The following SMCHD1 variants were observed in gnomAD, a reference collection of about 807,000 sequenced individuals.
SMCHD1 encodes structural maintenance of chromosomes flexible hinge domain-containing protein 1.
SMCHD1 carries 78 observed loss-of-function variants against 254.7 expected under a neutral mutation model. The observed-to-expected ratio is 0.31, with a 90% CI of 0.26 to 0.37. SMCHD1 has a LOEUF of 0.37. Among genes scored for constraint, SMCHD1 ranks in the 10% least tolerant of loss-of-function variants. The pLI is 1.00. For synonymous variants in SMCHD1, 766 were observed against 794.9 expected, an observed-to-expected ratio of 0.96 and a Z score of 0.61; for missense variants, 1,840 against 2,408.1, an observed-to-expected ratio of 0.76 and a Z score of 4.94.
intron 5 of SMCHD1, among the ~76,000 whole-genome samples, chr18:2,678,470 C>T (rs1460811583): frequency 6.6e-6 from 1 of 152,028 alleles, no homozygotes; most frequent in Non-Finnish European, 1.5e-5. Flanking sequence ...GCACATGCCA[C>T]TACTCCCGGC....
chr18:2,767,651 G>A (rs973924348), intron 37 of SMCHD1, among the ~76,000 whole-genome samples: 5 of 140,446 alleles, frequency 3.6e-5, no homozygotes, highest in East Asian at 2.1e-4. Context: ...GTGCTTTGGC[G>A]CACTCTTGGC....
chr18:2,662,667 C>CAAAAAAAAAAAAAAAAAAAAAAAAAAAA (rs745838636), intron 1 of SMCHD1, among the ~76,000 whole-genome samples: 5 of 35,676 alleles, frequency 1.4e-4, no homozygotes, highest in Admixed American at 3.3e-4. Context: ...AACAAAAAAC[C>CAAAAAAAAAAAAAAAAAAAAAAAAAAAA]AAAAAAAAAA....
intron 1 of SMCHD1, among the ~76,000 whole-genome samples, chr18:2,665,142 A>C (rs2073399961): frequency 6.6e-6 from 1 of 152,186 alleles, no homozygotes; most frequent in South Asian, 2.1e-4. Context: ...TGTATGTTTT[A>C]ATTCTAATGT....
Position 2,694,559 on chromosome 18 carries a change from T to C in SMCHD1, c.906T>C (p.Asp302=), listed in dbSNP as rs1396116917. 6.2e-7 allele frequency: 1 copy of C among 1,601,356 alleles called. No individual in the cohort carries two copies. The highest frequency in any genetic ancestry group is 2.2e-5 in the East Asian group (1 of 44,712). The change falls in exon 8 of 48, where the codon GAT becomes GAC. Residue 302 remains aspartate (D), a synonymous_variant. Transcript: ENST00000320876. ...PSDSVHITND[D]ERFLHHLIIE... Reference sequence around the variant, plus strand: ...ATTCTGTTCACATTACAAATGATGATGAAAGATTTCTACATCATCTTATCA... The same window carrying C: ...ATTCTGTTCACATTACAAATGATGACGAAAGATTTCTACATCATCTTATCA...
At chr18:2,783,624 G>A (rs111842207) in intron 44 of SMCHD1, among the ~76,000 whole-genome samples, 131 of 151,712 alleles carry the variant, frequency 8.6e-4, no homozygotes, top group African/African-American at 3.1e-3. Context: ...CCAGGCTGGA[G>A]TGCAGTGGTG....
chr18:2,664,266 CCTG>C (rs1464119289), intron 1 of SMCHD1, among the ~76,000 whole-genome samples: 1 of 151,936 alleles, frequency 6.6e-6, no homozygotes, highest in African/African-American at 2.4e-5. Context: ...GTCTAATGTC[CCTG>C]TCCATATTGA....
At chr18:2,696,854 T>C (rs2074295995) in intron 8 of SMCHD1, among the ~76,000 whole-genome samples, 178 bp from the exon 9 acceptor site, 1 of 152,196 alleles carries the variant, frequency 6.6e-6, no homozygotes, top group Non-Finnish European at 1.5e-5. Context: ...ATCTGTAAAA[T>C]GAGATGCAGT....
chr18:2,674,095 C>G lies in SMCHD1; in HGVS notation c.588C>G (p.Asn196Lys). 6.2e-7 allele frequency: 1 copy of G among 1,605,710 alleles called. No homozygotes were observed. Among genetic ancestry groups the G allele is most frequent in the Non-Finnish European group, 8.5e-7 (1 of 1,175,790 alleles). Residue 196 changes from asparagine to lysine, a missense_variant, in exon 5 of 48, where the codon AAC becomes AAG. By Grantham distance (94) the Asn-to-Lys change is moderately conservative (BLOSUM62 0). This residue lies in a region of SMCHD1 where 498 missense variants were observed against 743.5 expected (regional missense o/e 0.67). Transcript: ENST00000320876. Reference sequence around the variant, plus strand: ...GAATGACCTCTAAACAGCTTAACAACTGGGCCGTGTATAGGTTGTCAAAAT... The same window carrying G: ...GAATGACCTCTAAACAGCTTAACAAGTGGGCCGTGTATAGGTTGTCAAAAT... ...GRGMTSKQLN[N>K]WAVYRLSKFT...
intron 1 of SMCHD1, among the ~76,000 whole-genome samples, chr18:2,660,072 C>T (rs889137380): frequency 3.3e-5 from 5 of 152,048 alleles, no homozygotes; most frequent in Admixed American, 2.6e-4. Context: ...ACCTGTAATC[C>T]CAACACTTCG....
intron 5 of SMCHD1, among the ~76,000 whole-genome samples, chr18:2,678,225 T>C (rs62084183): frequency 0.015 from 305 of 20,028 alleles, no homozygotes; most frequent in South Asian, 0.14. Flanking sequence ...TTCTTTCTTT[T>C]TCTTTCTTTC....
At chr18:2,765,767 C>G (rs1218111510) in intron 37 of SMCHD1, among the ~76,000 whole-genome samples, 1 of 152,138 alleles carries the variant, frequency 6.6e-6, no homozygotes, top group Non-Finnish European at 1.5e-5. Context: ...GTATTTACCA[C>G]TTATATTCAC....
chr18:2,721,944 A>C lies in SMCHD1; in HGVS notation c.2459-575A>C, dbSNP rs1021975532. Among the ~76,000 whole-genome samples the C allele has an allele frequency of 2.0e-5, 3 of 152,266 alleles. No individual in the cohort carries two copies. In the East Asian group the frequency reaches 5.8e-4, roughly 29 times the overall value. Reference sequence around the variant, plus strand: ...TCAGCAGGTTTGAGATAGGCCCTAGAATTTGCATTTCTAATAAGTTCTCAG... The same window carrying C: ...TCAGCAGGTTTGAGATAGGCCCTAGCATTTGCATTTCTAATAAGTTCTCAG... On this transcript the variant is annotated intron_variant, in intron 19 of 47. Coordinates refer to ENST00000320876, the MANE Select transcript of SMCHD1 (RefSeq NM_015295.3).
chr18:2,657,985 G>A (rs2073124165), intron 1 of SMCHD1, among the ~76,000 whole-genome samples: 1 of 151,824 alleles, frequency 6.6e-6, no homozygotes, highest in Non-Finnish European at 1.5e-5. Context: ...ACATACGGGG[G>A]TTTGGCTGTG....
At chr18:2,699,197 G>C (rs1448694939) in intron 10 of SMCHD1, among the ~76,000 whole-genome samples, 1 of 152,118 alleles carries the variant, frequency 6.6e-6, no homozygotes, top group Admixed American at 6.5e-5. Context: ...CCTGGGAAAT[G>C]GGTAGTTCAC....
chr18:2,708,617 CT>C (rs71159004), intron 17 of SMCHD1, among the ~76,000 whole-genome samples: 108,140 of 142,590 alleles, frequency 0.76, 40,975 homozygotes, highest in East Asian at 0.93. Flanking sequence ...GACCTTCCTG[CT>C]TTTTTTTTTT....
intron 41 of SMCHD1, 93 bp from the exon 42 acceptor site, chr18:2,775,638 GAGA>G: frequency 1.1e-6 from 1 of 921,022 alleles, no homozygotes; most frequent in Non-Finnish European, 1.6e-6. Context: ...ATGTGTTTCA[GAGA>G]AGTTTTTGTT....
At chr18:2,686,337 G>T (rs967875420) in intron 5 of SMCHD1, among the ~76,000 whole-genome samples, 6 of 152,194 alleles carry the variant, frequency 3.9e-5, no homozygotes, top group Admixed American at 3.3e-4. Flanking sequence ...TGCTCAGGTG[G>T]TAAGTATAAT....
chr18:2,756,399 C>A (rs2075678409), intron 34 of SMCHD1, among the ~76,000 whole-genome samples: 1 of 152,120 alleles, frequency 6.6e-6, no homozygotes, highest in Non-Finnish European at 1.5e-5. Flanking sequence ...TTCCCTCAGT[C>A]TTGGTTTATT....
chr18:2,772,611 T>G (rs994951822), intron 41 of SMCHD1, among the ~76,000 whole-genome samples: 9 of 152,234 alleles, frequency 5.9e-5, no homozygotes, highest in African/African-American at 2.2e-4. Flanking sequence ...GGCTTGTTGT[T>G]TACTTAGAGA....
Sources: gnomAD v4.1 joint callset for allele counts (sites outside exome capture counted in the v4.1 genomes callset) on GRCh38, gnomAD v4.1.1 for gene constraint, gnomAD v4.1.1 regional missense constraint, MANE v1.5 for transcripts, NCBI Gene and HGNC (gene_info 2026-07-23, HGNC 2026-07-21) for gene names.